BCL9: variants seen among roughly 807,000 people sequenced by gnomAD.
BCL9 encodes BCL9 transcription coactivator, also known as B-cell CLL/lymphoma 9 protein.
BCL9 carries 25 observed loss-of-function variants against 88.5 expected under a neutral mutation model. That is an observed-to-expected ratio of 0.28 (90% CI 0.21 to 0.39). The LOEUF is 0.39. Among genes scored for constraint, BCL9 ranks in the 10% least tolerant of loss-of-function variants. The pLI is 1.00. For synonymous variants in BCL9, 711 were observed against 673.3 expected (o/e 1.06, Z -0.87); for missense variants, 1,817 against 1,877.8 (o/e 0.97, Z 0.60).
chr1:147,561,976 G>C (rs587705494), intron 1 of BCL9, among the ~76,000 whole-genome samples: 1 of 152,292 alleles, frequency 6.6e-6, no homozygotes, highest in East Asian at 1.9e-4. Flanking sequence ...AAACCAGTTT[G>C]GCCAGAACAT....
At chr1:147,568,750 T>A (rs1655728174) in intron 1 of BCL9, among the ~76,000 whole-genome samples, 1 of 152,196 alleles carries the variant, frequency 6.6e-6, no homozygotes, top group Admixed American at 6.5e-5. Context: ...AAATGTCAGC[T>A]GTGTCTAGCC....
chr1:147,554,297 C>T (rs1005139388), intron 1 of BCL9, among the ~76,000 whole-genome samples: 41 of 151,882 alleles, frequency 2.7e-4, no homozygotes, highest in African/African-American at 8.9e-4. Context: ...GGAAGAACAA[C>T]AGACAGTCTC....
At chr1:147,623,200 T>G (rs927981246) in intron 9 of BCL9, among the ~76,000 whole-genome samples, 2 of 152,114 alleles carry the variant, frequency 1.3e-5, no homozygotes, top group African/African-American at 4.8e-5. Context: ...TAACTCTAAT[T>G]AACTGGGTTA....
Position 147,619,628 on chromosome 1 carries a change from T to C in BCL9, c.1473T>C (p.Val491=). The C allele has an allele frequency of 6.2e-7, 1 of 1,614,018 alleles. No individual in the cohort carries two copies. Among genetic ancestry groups the C allele is most frequent in the Non-Finnish European group, 8.5e-7 (1 of 1,180,004 alleles). ...AGAGGAGGAAGCAGGAACAAGTGGT[T>C]GTCCAGCAGTGTTCCCTCCAGGACA... ...EEKRRKQEQV[V]VQQCSLQDMM... is the part of the protein sequence containing the mutation. The change falls in exon 8 of 10, where the codon GTT becomes GTC. Residue 491 remains valine, a synonymous_variant. Coordinates refer to ENST00000234739, the MANE Select transcript of BCL9 (RefSeq NM_004326.4). This position sits in a 1 kb window ranked among gnomAD's most constrained non-coding sequence, Gnocchi z 4.1.
At chr1:147,595,784 A>G (rs1553200396) in intron 1 of BCL9, among the ~76,000 whole-genome samples, 1 of 152,206 alleles carries the variant, frequency 6.6e-6, no homozygotes, top group Non-Finnish European at 1.5e-5. Context: ...TATGAAGGTC[A>G]AGAGATTTGG....
chr1:147,608,488 T>C (rs1557851668), intron 3 of BCL9, among the ~76,000 whole-genome samples: 1 of 151,908 alleles, frequency 6.6e-6, no homozygotes, highest in Non-Finnish European at 1.5e-5. Context: ...TGGATTGACT[T>C]TTGGGAGAAA....
At position 147,624,539 on chromosome 1, in the gene BCL9, A is replaced by G; in HGVS notation, c.3861A>G (p.Ala1287=). The stretch of plus-strand genomic sequence containing the variant: ...AACAAGCCCCCAGAATGGGACTAGC[A>G]TTACCTGGCATGGGAGGTCCAGGGC... ...MGEQAPRMGL[A]LPGMGGPGPV... The change falls in exon 10 of 10, where the codon GCA becomes GCG. Residue 1287 remains alanine (A), a synonymous_variant. Transcript: ENST00000234739. The surrounding 1 kb of genome is among the most constrained non-coding windows in gnomAD (Gnocchi z 4.4). 1.2e-6 allele frequency: 2 copies of G among 1,614,162 alleles called. No homozygotes were observed. Among genetic ancestry groups the G allele is most frequent in the Non-Finnish European group, 1.7e-6 (2 of 1,180,034 alleles).
Position 147,620,335 on chromosome 1 carries a change from G to A in BCL9, c.2180G>A (p.Gly727Glu). ...KGDVNLNVNM[G>E]SNSQMIPQKM... ...GATGTCAATCTAAATGTCAACATGG[G>A]ATCCAACTCTCAGATGATACCTCAG... The change falls in exon 8 of 10, where the codon GGA becomes GAA. Residue 727 changes from glycine to glutamate, a missense_variant. Gly to Glu is a moderately conservative substitution (Grantham distance 98). Coordinates refer to ENST00000234739, the MANE Select transcript of BCL9 (RefSeq NM_004326.4). 1 of 1,614,208 alleles carries A rather than the reference G, an allele frequency of 6.2e-7. No individual in the cohort carries two copies. The highest frequency in any genetic ancestry group is 8.5e-7 in the Non-Finnish European group (1 of 1,180,034).
chr1:147,619,963 G>T lies in BCL9; in HGVS notation c.1808G>T (p.Arg603Leu), dbSNP rs782091140. Residue 603 changes from arginine (R) to leucine (L), a missense_variant, in exon 8 of 10, where the codon CGA (arginine) becomes CTA (leucine). Transcript: ENST00000234739. This position sits in a 1 kb window ranked among gnomAD's most constrained non-coding sequence, Gnocchi z 4.1. ...GATGTGCCAAAAATCCCAGATGGTC[G>T]AAATTTTCCTCCTGGCCAGGGCATT... ...PDDVPKIPDG[R>L]NFPPGQGIFS... The T allele has an allele frequency of 6.2e-7, 1 of 1,614,184 alleles. No homozygotes were observed. Among genetic ancestry groups the T allele is most frequent in the South Asian group, 1.1e-5 (1 of 91,078 alleles).
intron 1 of BCL9, among the ~76,000 whole-genome samples, chr1:147,576,405 G>A (rs1251192490): frequency 1.3e-5 from 2 of 152,048 alleles, no homozygotes; most frequent in African/African-American, 2.4e-5. Flanking sequence ...GTAAAACACC[G>A]GAGTGCACAC....
At chr1:147,572,003 G>A (rs587667067) in intron 1 of BCL9, among the ~76,000 whole-genome samples, 151 of 152,146 alleles carry the variant, frequency 9.9e-4, no homozygotes, top group African/African-American at 3.6e-3. Flanking sequence ...AGGCTGAGGC[G>A]GGCGGATCAT....
At chr1:147,547,011 T>TC (rs1553194327) in intron 1 of BCL9, among the ~76,000 whole-genome samples, 1 of 150,058 alleles carries the variant, frequency 6.7e-6, no homozygotes, top group Non-Finnish European at 1.5e-5. Context: ...TGTTTTTTTT[T>TC]ATATTGTGCT....
chr1:147,604,188 G>T (rs1444786979), intron 1 of BCL9, among the ~76,000 whole-genome samples: 3 of 152,156 alleles, frequency 2.0e-5, no homozygotes, highest in African/African-American at 7.2e-5. Flanking sequence ...TTACTTAGAG[G>T]TTGGTCAAAA....
At chr1:147,582,257 C>T (rs2101551989) in intron 1 of BCL9, among the ~76,000 whole-genome samples, 1 of 152,230 alleles carries the variant, frequency 6.6e-6, no homozygotes, top group South Asian at 2.1e-4. Context: ...ATGAATGTAC[C>T]AAGGTTTATT....
chr1:147,601,705 G>C lies in BCL9; in HGVS notation c.-477-3072G>C, dbSNP rs181715905. Among the ~76,000 whole-genome samples the C allele has an allele frequency of 7.2e-5, 11 of 152,180 alleles. No homozygotes were observed. The East Asian group carries it at 1.4e-3, about 19-fold the overall frequency. Reference sequence around the variant, plus strand: ...GAGATGTTTGCGTGAATAATGTGAAGGCCCTACATAAAAATTTAAGAAAGA... The same window carrying C: ...GAGATGTTTGCGTGAATAATGTGAACGCCCTACATAAAAATTTAAGAAAGA... On this transcript the variant is annotated intron_variant, in intron 1 of 9. Transcript: ENST00000234739.
In BCL9 at chr1:147,615,675, C is replaced by T. The variant is rs1446775665; in HGVS notation, c.561-128C>T. On this transcript the variant is annotated intron_variant, in intron 6 of 9. Transcript: ENST00000234739. The stretch of plus-strand genomic sequence containing the variant: ...ATGTTTGTCTTGATTTCTTCTTCAA[C>T]ATTTCTGGTGGTTCTTTCTATTCCT... 3.2e-5 allele frequency: 19 copies of T among 589,410 alleles called. No individual in the cohort carries two copies. The Admixed American group carries it at 6.4e-4, about 20-fold the overall frequency. 36.5% of individuals were successfully genotyped at this position (589,410 alleles called of 1,614,324 possible). A position where few individuals can be genotyped will look rare whatever the true frequency, so the allele number is the denominator to read the frequency against.
At chr1:147,601,333 A>G (rs1657378419) in intron 1 of BCL9, among the ~76,000 whole-genome samples, 1 of 152,358 alleles carries the variant, frequency 6.6e-6, no homozygotes. Flanking sequence ...CAGCAAACAT[A>G]GGTAAATCCC....
chr1:147,616,177 C>T (rs1327963647), intron 7 of BCL9, among the ~76,000 whole-genome samples: 6 of 152,106 alleles, frequency 3.9e-5, no homozygotes, highest in East Asian at 1.9e-4. Flanking sequence ...TTCATGTAAT[C>T]GTCTCTGGGA....
At chr1:147,561,661 G>A (rs1570823310) in intron 1 of BCL9, among the ~76,000 whole-genome samples, 1 of 152,222 alleles carries the variant, frequency 6.6e-6, no homozygotes, top group Admixed American at 6.5e-5. Flanking sequence ...AACTTAATAG[G>A]CATAAAAAAT....
Sources: gnomAD v4.1 joint callset for allele counts (sites outside exome capture counted in the v4.1 genomes callset) on GRCh38, gnomAD v4.1.1 for gene constraint, Gnocchi (gnomAD v3.1) non-coding constraint, MANE v1.5 for transcripts, NCBI Gene and HGNC (gene_info 2026-07-23, HGNC 2026-07-21) for gene names.